The following TRIM5 variants were observed in gnomAD, a reference collection of about 807,000 sequenced individuals.
The protein encoded by TRIM5 is tripartite motif containing 5.
A neutral mutation model predicts 35.6 loss-of-function variants in TRIM5; 31 were observed. That is an observed-to-expected ratio of 0.87 (90% CI 0.65 to 1.18). The LOEUF (loss-of-function observed/expected upper bound fraction) is 1.18, where lower values mean the gene tolerates loss of function less well. Among genes scored for constraint, TRIM5 ranks in the 50% most tolerant of loss-of-function variants. The pLI, the probability that TRIM5 is intolerant of heterozygous loss-of-function variation, is 0.00. For missense variants in TRIM5, 609 were observed against 591.6 expected (o/e 1.03, Z -0.31); for synonymous variants, 243 against 215.6 (o/e 1.13, Z -1.11).
the TRIM5 span, chr11:5,610,161 C>G: frequency 1.9e-6 from 3 of 1,613,950 alleles, no homozygotes; most frequent in Non-Finnish European, 2.5e-6. Flanking sequence ...GTTCTGGACC[C>G]TGAGGAAGCC....
At chr11:5,655,813 G>C in the TRIM5 span, 1 of 434,738 alleles carries the variant, frequency 2.3e-6, no homozygotes, top group Non-Finnish European at 3.1e-6. Flanking sequence ...ACTTCCATTG[G>C]TCTATAAATC....
the TRIM5 span, among the ~76,000 whole-genome samples, chr11:5,623,002 G>C: frequency 4.6e-5 from 7 of 151,162 alleles, no homozygotes; most frequent in Non-Finnish European, 8.8e-5. Flanking sequence ...GTCATAGGTA[G>C]ATAAAAGACA....
the TRIM5 span, among the ~76,000 whole-genome samples, chr11:5,595,806 C>T: frequency 6.6e-6 from 1 of 151,678 alleles, no homozygotes; most frequent in Non-Finnish European, 1.5e-5. Context: ...GATTCTCCTG[C>T]CTCAGCCTCC....
the TRIM5 span, among the ~76,000 whole-genome samples, chr11:5,646,042 T>G: frequency 5.2e-5 from 6 of 114,294 alleles, no homozygotes; most frequent in African/African-American, 2.1e-4. Context: ...CACATAAATA[T>G]ATTAGATTAT....
chr11:5,643,728 C>T, the TRIM5 span: 1 of 1,557,812 alleles, frequency 6.4e-7, no homozygotes, highest in South Asian at 1.3e-5. Flanking sequence ...ATTTCTTCAC[C>T]TACAACCCTT....
chr11:5,594,156 T>C, the TRIM5 span, among the ~76,000 whole-genome samples: 220 of 152,318 alleles, frequency 1.4e-3, no homozygotes, highest in Non-Finnish European at 2.2e-3. Context: ...CCCCTTGAAT[T>C]ATTGCCAAGT....
the TRIM5 span, among the ~76,000 whole-genome samples, chr11:5,640,442 ATTTTT>A: frequency 8.0e-5 from 12 of 150,730 alleles, no homozygotes; most frequent in South Asian, 1.5e-3. Flanking sequence ...ACATCAATTG[ATTTTT>A]TTTTATGTTG....
intron 4 of TRIM5, among the ~76,000 whole-genome samples, chr11:5,675,258 G>T (rs552051613): frequency 3.3e-5 from 5 of 151,874 alleles, no homozygotes; most frequent in African/African-American, 1.2e-4. Flanking sequence ...GCGGCCCCTT[G>T]TTCAAAATTT....
the TRIM5 span, among the ~76,000 whole-genome samples, chr11:5,604,192 T>G: frequency 6.6e-6 from 1 of 151,546 alleles, no homozygotes; most frequent in African/African-American, 2.4e-5. Flanking sequence ...GTGTGTGTGT[T>G]TAGTAGAGAT....
the TRIM5 span, chr11:5,610,723 T>C: frequency 6.3e-7 from 1 of 1,591,008 alleles, no homozygotes; most frequent in Non-Finnish European, 8.6e-7. Context: ...CTTCTCAGCA[T>C]AACGAGACCC....
At chr11:5,591,340 A>C in the TRIM5 span, among the ~76,000 whole-genome samples, 10 of 152,322 alleles carry the variant, frequency 6.6e-5, no homozygotes, top group Admixed American at 1.3e-4. Context: ...TTGCAAGTAG[A>C]CTGGCAAGGA....
At chr11:5,662,158 T>G (rs914651544), downstream of TRIM5, among the ~76,000 whole-genome samples, 27 of 152,204 alleles carry the variant, frequency 1.8e-4, no homozygotes, top group African/African-American at 6.0e-4. Flanking sequence ...CTGAAAATAT[T>G]CACCTTGGAA....
At chr11:5,637,833 G>A in the TRIM5 span, among the ~76,000 whole-genome samples, 30 of 152,120 alleles carry the variant, frequency 2.0e-4, 1 homozygote, top group Admixed American at 2.0e-3. Flanking sequence ...CATGTAAGTG[G>A]AATCATAGAA....
At chr11:5,613,228 G>A in the TRIM5 span, among the ~76,000 whole-genome samples, 1 of 152,238 alleles carries the variant, frequency 6.6e-6, no homozygotes, top group Non-Finnish European at 1.5e-5. Flanking sequence ...ATATCTAGAA[G>A]TGTAGAAATT....
At chr11:5,617,552 G>A in the TRIM5 span, among the ~76,000 whole-genome samples, 16 of 133,714 alleles carry the variant, frequency 1.2e-4, 1 homozygote, top group South Asian at 4.1e-3. Context: ...GCAATGGCAC[G>A]ATCTCGGCTC....
At chr11:5,632,384 G>T in the TRIM5 span, 1 of 1,614,086 alleles carries the variant, frequency 6.2e-7, no homozygotes, top group African/African-American at 1.3e-5. Flanking sequence ...TGTCCCATCT[G>T]CCTGGAGCTG....
the TRIM5 span, chr11:5,645,867 G>GAAAAAAA: frequency 1.7e-3 from 234 of 135,536 alleles, 2 homozygotes; most frequent in African/African-American, 5.8e-3. Flanking sequence ...TAGTCTTCTG[G>GAAAAAAA]AAAAAAAAAA....
chr11:5,596,811 T>A, the TRIM5 span: 3 of 1,601,228 alleles, frequency 1.9e-6, no homozygotes, highest in Admixed American at 3.3e-5. Context: ...TCCTTAAGAT[T>A]AGTTTAAGGT....
the TRIM5 span, among the ~76,000 whole-genome samples, chr11:5,622,439 C>T: frequency 7.1e-6 from 1 of 141,462 alleles, no homozygotes; most frequent in Non-Finnish European, 1.5e-5. Context: ...AGCGAGACTA[C>T]CTCTCAAAAA....
Sources: allele counts gnomAD v4.1 joint callset (sites outside exome capture counted in the v4.1 genomes callset), GRCh38; gene constraint gnomAD v4.1.1; transcripts MANE v1.5; gene names NCBI Gene and HGNC (gene_info 2026-07-23, HGNC 2026-07-21).